The following SMYD3 variants were observed in gnomAD, a reference collection of about 807,000 sequenced individuals.
SMYD3 encodes SET and MYND domain containing 3.
In SMYD3, 36 loss-of-function variants were observed where a neutral mutation model predicts 57.7. The observed-to-expected ratio is 0.62, with a 90% CI of 0.48 to 0.82. The LOEUF (loss-of-function observed/expected upper bound fraction) is 0.82, where lower values mean the gene tolerates loss of function less well. SMYD3 is among the 40% of genes least tolerant of loss of function. The pLI is 0.00. For missense variants in SMYD3, 515 were observed against 538.8 expected (o/e 0.96, Z 0.44); for synonymous variants, 211 against 195.0 (o/e 1.08, Z -0.68).
chr1:246,366,114 C>G (rs1275823214), intron 1 of SMYD3, among the ~76,000 whole-genome samples: 3 of 152,150 alleles, frequency 2.0e-5, no homozygotes, highest in Non-Finnish European at 4.4e-5. Context: ...GTGATGAACA[C>G]CTAGCAAATA....
chr1:246,230,656 C>G (rs760254939), intron 5 of SMYD3, among the ~76,000 whole-genome samples: 11 of 152,170 alleles, frequency 7.2e-5, no homozygotes, highest in Non-Finnish European at 1.3e-4. Flanking sequence ...AGAATAGTAT[C>G]ATAATCTTTG....
At chr1:246,039,367 AC>A (rs1436837841) in intron 5 of SMYD3, among the ~76,000 whole-genome samples, 2 of 152,204 alleles carry the variant, frequency 1.3e-5, no homozygotes, top group Non-Finnish European at 2.9e-5. Context: ...GCAGATATGC[AC>A]CCACCACACT....
chr1:246,490,343 A>C (rs2068250586), intron 1 of SMYD3, among the ~76,000 whole-genome samples: 1 of 152,148 alleles, frequency 6.6e-6, no homozygotes, highest in Admixed American at 6.5e-5. Context: ...ATACTCAGAA[A>C]ATGTCTCAGA....
chr1:245,880,126 T>C (rs911099527), intron 8 of SMYD3, among the ~76,000 whole-genome samples: 5 of 152,194 alleles, frequency 3.3e-5, no homozygotes, highest in African/African-American at 1.2e-4. Flanking sequence ...ACACTAGAGA[T>C]AGCACAGTTG....
At chr1:245,804,070 A>C (rs931615951) in intron 10 of SMYD3, among the ~76,000 whole-genome samples, 1 of 150,912 alleles carries the variant, frequency 6.6e-6, no homozygotes, top group Non-Finnish European at 1.5e-5. Context: ...CCACCACCAC[A>C]CTCGGGTAAT....
At chr1:246,268,971 A>C (rs1167872363) in intron 5 of SMYD3, among the ~76,000 whole-genome samples, 1 of 152,120 alleles carries the variant, frequency 6.6e-6, no homozygotes, top group Non-Finnish European at 1.5e-5. Flanking sequence ...ACCCTAAAGT[A>C]GCTGAAGAGT....
intron 5 of SMYD3, among the ~76,000 whole-genome samples, chr1:246,276,575 G>C (rs910817044): frequency 1.3e-5 from 2 of 150,488 alleles, no homozygotes; most frequent in African/African-American, 4.9e-5. Context: ...GGAGTCTGAT[G>C]CCCATGTTTG....
intron 5 of SMYD3, among the ~76,000 whole-genome samples, chr1:246,118,093 C>A (rs539651306): frequency 1.5e-3 from 224 of 152,230 alleles, no homozygotes; most frequent in African/African-American, 5.4e-3. Flanking sequence ...GAGCAAAATT[C>A]TCTGCAACGA....
chr1:246,030,475 G>C (rs915528041), intron 5 of SMYD3, among the ~76,000 whole-genome samples: 1 of 152,144 alleles, frequency 6.6e-6, no homozygotes, highest in Admixed American at 6.5e-5. Context: ...ACATAGAGAG[G>C]ATGGAGTTTG....
chr1:245,952,131 C>A (rs57565465), intron 5 of SMYD3, among the ~76,000 whole-genome samples: 1 of 151,970 alleles, frequency 6.6e-6, no homozygotes, highest in Non-Finnish European at 1.5e-5. Flanking sequence ...AACAGAAATA[C>A]CTGTAAATAA....
At chr1:246,101,061 G>GC in intron 5 of SMYD3, among the ~76,000 whole-genome samples, 1 of 96,378 alleles carries the variant, frequency 1.0e-5, no homozygotes, top group Non-Finnish European at 2.5e-5. Context: ...TGTATTTTTA[G>GC]GGGTTTTTTG....
chr1:245,823,602 G>A (rs972227324), intron 10 of SMYD3, among the ~76,000 whole-genome samples: 1 of 152,334 alleles, frequency 6.6e-6, no homozygotes, highest in Admixed American at 6.5e-5. Flanking sequence ...ACTCATTCAA[G>A]AAGCTCTCAC....
intron 8 of SMYD3, among the ~76,000 whole-genome samples, chr1:245,889,010 G>A (rs1402649628): frequency 6.6e-6 from 1 of 152,146 alleles, no homozygotes; most frequent in Non-Finnish European, 1.5e-5. Flanking sequence ...ACTAGAGGGC[G>A]CAGTTAATGA....
chr1:245,880,107 T>C (rs892649456), intron 8 of SMYD3, among the ~76,000 whole-genome samples: 2 of 152,058 alleles, frequency 1.3e-5, no homozygotes, highest in African/African-American at 2.4e-5. Flanking sequence ...CACAGGTGCG[T>C]TGCTGTACAC....
chr1:246,062,409 TA>T (rs1282532271), intron 5 of SMYD3, among the ~76,000 whole-genome samples: 1 of 152,190 alleles, frequency 6.6e-6, no homozygotes, highest in East Asian at 1.9e-4. Flanking sequence ...ACAGAACTCC[TA>T]AATCACTGAA....
intron 5 of SMYD3, among the ~76,000 whole-genome samples, chr1:246,249,257 C>A (rs1174234757): frequency 6.6e-6 from 1 of 151,992 alleles, no homozygotes; most frequent in Non-Finnish European, 1.5e-5. Context: ...GCGCCTGCCA[C>A]CACACCTGGC....
At chr1:246,016,361 T>C (rs2059376846) in intron 5 of SMYD3, among the ~76,000 whole-genome samples, 1 of 151,966 alleles carries the variant, frequency 6.6e-6, no homozygotes, top group Non-Finnish European at 1.5e-5. Flanking sequence ...GGCAGGTGGA[T>C]CACCTGAGGT....
intron 5 of SMYD3, among the ~76,000 whole-genome samples, chr1:246,213,289 A>T (rs573625341): frequency 1.3e-5 from 2 of 152,280 alleles, no homozygotes; most frequent in East Asian, 3.9e-4. Context: ...CTTACACAGC[A>T]GCATGTATGT....
chr1:245,938,635 TC>T (rs2057083311), intron 5 of SMYD3, among the ~76,000 whole-genome samples: 1 of 152,162 alleles, frequency 6.6e-6, no homozygotes, highest in Admixed American at 6.5e-5. Flanking sequence ...TCATAATTCT[TC>T]CCCTTCTTCT....
Sources: gnomAD v4.1 joint callset for allele counts (sites outside exome capture counted in the v4.1 genomes callset) on GRCh38, gnomAD v4.1.1 for gene constraint, MANE v1.5 for transcripts, NCBI Gene and HGNC (gene_info 2026-07-23, HGNC 2026-07-21) for gene names.